The following PARD6G variants were observed in gnomAD, a reference collection of about 807,000 sequenced individuals.
PARD6G encodes the protein par-6 family cell polarity regulator gamma.
Under a neutral mutation model 10.7 loss-of-function variants are expected in PARD6G, and 7 were observed. That is an observed-to-expected ratio of 0.66 (90% CI 0.37 to 1.23). PARD6G has a LOEUF of 1.23. Ranked by LOEUF, PARD6G falls within the 50% of genes most tolerant of loss-of-function variation. The probability of loss-of-function intolerance (pLI) is 0.02; values close to 1 mark genes in which losing one functional copy is unlikely to be tolerated. For synonymous variants in PARD6G, 287 were observed against 269.4 expected (o/e 1.07, Z -0.64); for missense variants, 548 against 571.8 (o/e 0.96, Z 0.42).
intron 2 of PARD6G, among the ~76,000 whole-genome samples, chr18:80,163,584 C>T (rs960353321): frequency 3.9e-5 from 6 of 152,222 alleles, no homozygotes; most frequent in Admixed American, 6.5e-5. Flanking sequence ...AACCTGTCTG[C>T]GTCACAAGGG....
chr18:80,171,379 C>T (rs1216488601), intron 2 of PARD6G: 1 of 152,280 alleles, frequency 6.6e-6, no homozygotes, highest in Non-Finnish European at 1.5e-5. Context: ...CCCCATCCCT[C>T]CCCGAATTCA....
At chr18:80,238,618 T>C (rs1405102017) in intron 1 of PARD6G, among the ~76,000 whole-genome samples, 1 of 152,062 alleles carries the variant, frequency 6.6e-6, no homozygotes, top group Admixed American at 6.5e-5. Flanking sequence ...GAAAAGGGCA[T>C]GAAGGAACCT....
chr18:80,190,826 T>A (rs776027121), intron 2 of PARD6G, among the ~76,000 whole-genome samples: 6 of 152,060 alleles, frequency 3.9e-5, no homozygotes, highest in Non-Finnish European at 8.8e-5. Flanking sequence ...CTCCAGGCAA[T>A]CAACAAAATC....
At chr18:80,196,703 T>C (rs573693229) in intron 2 of PARD6G, among the ~76,000 whole-genome samples, 1 of 152,012 alleles carries the variant, frequency 6.6e-6, no homozygotes, top group Non-Finnish European at 1.5e-5. Flanking sequence ...CTCGGCTTCA[T>C]GTGGGCGCCC....
In PARD6G at chr18:80,231,797, G is replaced by A. The variant is rs552108446; in HGVS notation, c.72+15480C>T. The stretch of plus-strand genomic sequence containing the variant: ...CTCCCCCAGGCCTAGAGACGGGTTC[G>A]GCATCTCACAGGCATCCACAGGGAT... On this transcript the variant is annotated intron_variant, in intron 1 of 2. Coordinates refer to ENST00000353265, the MANE Select transcript of PARD6G (RefSeq NM_032510.4). The surrounding 1 kb of genome is among the most constrained non-coding windows in gnomAD (Gnocchi z 4.2). Among the ~76,000 whole-genome samples the A allele has an allele frequency of 9.2e-5, 14 of 152,124 alleles. No individual in the cohort carries two copies. In the East Asian group the frequency reaches 1.7e-3, roughly 19 times the overall value.
intron 1 of PARD6G, among the ~76,000 whole-genome samples, chr18:80,220,939 CT>C (rs1967221253): frequency 6.6e-6 from 1 of 152,118 alleles, no homozygotes; most frequent in Non-Finnish European, 1.5e-5. Flanking sequence ...CTATGAGTAA[CT>C]GTATGCCAAC....
At chr18:80,170,108 A>T (rs1256086213) in intron 2 of PARD6G, 1 of 152,252 alleles carries the variant, frequency 6.6e-6, no homozygotes, top group Non-Finnish European at 1.5e-5. Flanking sequence ...GTAGACACAT[A>T]CAAAAATACC....
In PARD6G at chr18:80,159,620, T is replaced by C; in HGVS notation, c.*151A>G. The C allele has an allele frequency of 8.4e-7, 1 of 1,188,406 alleles. No individual in the cohort carries two copies. The highest frequency in any genetic ancestry group is 1.1e-6 in the Non-Finnish European group (1 of 926,804). 73.6% of individuals were successfully genotyped at this position (1,188,406 alleles called of 1,614,324 possible). A position where few individuals can be genotyped will look rare whatever the true frequency, so the allele number is the denominator to read the frequency against. ...GGCGAAATTCTATAAAAATAGGCAA[T>C]ACTTGTGTTTTTATATCCGGAAGTT... On this transcript the variant is annotated 3_prime_UTR_variant, in exon 3 of 3. Transcript: ENST00000353265.
Position 80,195,577 on chromosome 18 carries a change from ACATTTTTTTTTC to A in PARD6G, c.295+7121_295+7132del, listed in dbSNP as rs574952397. On this transcript the variant is annotated intron_variant, in intron 2 of 2. Transcript: ENST00000353265. Reference sequence around the variant, plus strand: ...TATATATATATATATATATATACACACATTTTTTTTTCTTTTTTTTTCTGACCAGGTGCGATG... The same window carrying A: ...TATATATATATATATATATATACACATTTTTTTTTCTGACCAGGTGCGATG... Among the ~76,000 whole-genome samples the A allele has an allele frequency of 2.4e-3, 329 of 134,894 alleles. 4 individuals are homozygous for A. The highest frequency in any genetic ancestry group is 9.4e-3 in the African/African-American group (321 of 34,320). 88.5% of individuals were successfully genotyped at this position (134,894 alleles called of 152,430 possible).
In PARD6G at chr18:80,184,403, C is replaced by A. The variant is rs762859600; in HGVS notation, c.295+18307G>T. 6 of 152,282 alleles carry A rather than the reference C, an allele frequency of 3.9e-5. No individual in the cohort carries two copies. The highest frequency in any genetic ancestry group is 1.3e-4 in the Admixed American group (2 of 15,278). The allele number at this position is 152,282 out of a possible 1,614,324, so 9.4% of individuals were successfully genotyped here. ...CCCCGATGTCCATCAACTGATGAAC[C>A]AACCGATGAACACAGGGTGACCTGT... On this transcript the variant is annotated intron_variant, in intron 2 of 2. Transcript: ENST00000353265. This position sits in a 1 kb window ranked among gnomAD's most constrained non-coding sequence, Gnocchi z 4.5.
chr18:80,215,364 A>G (rs1967153087), intron 1 of PARD6G, among the ~76,000 whole-genome samples: 1 of 152,192 alleles, frequency 6.6e-6, no homozygotes, highest in East Asian at 1.9e-4. Context: ...ATGATAGTAT[A>G]AATGTATTTT....
chr18:80,229,681 G>A (rs1295284988), intron 1 of PARD6G, among the ~76,000 whole-genome samples: 1 of 152,234 alleles, frequency 6.6e-6, no homozygotes, highest in Non-Finnish European at 1.5e-5. Flanking sequence ...AAGTTAGACA[G>A]TAATCCACAC....
At chr18:80,224,965 T>C (rs1462171605) in intron 1 of PARD6G, among the ~76,000 whole-genome samples, 1 of 152,196 alleles carries the variant, frequency 6.6e-6, no homozygotes, top group African/African-American at 2.4e-5. Flanking sequence ...CCTCATTTCC[T>C]GACTCTGGCC....
intron 1 of PARD6G, among the ~76,000 whole-genome samples, chr18:80,219,504 C>T (rs1967207545): frequency 6.6e-6 from 1 of 151,748 alleles, no homozygotes; most frequent in Non-Finnish European, 1.5e-5. Context: ...GCCACTGCGC[C>T]CAGCCGGGGT....
rs1380842504 is a variant in PARD6G, at chr18:80,160,053, G to T, written c.849C>A (p.Arg283=). The change falls in exon 3 of 3, where the codon CGC becomes CGA. Residue 283 remains arginine (R), a synonymous_variant. Transcript: ENST00000353265. ...CGTCGGGGTGGAAGTTCTGCAGGAC[G>T]CGCGGGGCGGGGGGACCCACGAAGC... The part of the protein sequence containing the change: ...TAGFVGPPAP[R]VLQNFHPDEA... 1.3e-6 allele frequency: 2 copies of T among 1,548,414 alleles called. No homozygotes were observed. Among genetic ancestry groups the T allele is most frequent in the Middle Eastern group, 1.7e-4 (1 of 5,814 alleles).
chr18:80,222,078 A>AT (rs1043588324), intron 1 of PARD6G, among the ~76,000 whole-genome samples: 93 of 152,050 alleles, frequency 6.1e-4, no homozygotes, highest in Non-Finnish European at 1.2e-3. Flanking sequence ...AGAAAACTTA[A>AT]TTTTTTTCTT....
chr18:80,199,666 G>C (rs574922521), intron 2 of PARD6G, among the ~76,000 whole-genome samples: 3 of 152,078 alleles, frequency 2.0e-5, no homozygotes, highest in South Asian at 2.1e-4. Flanking sequence ...TTTCTGAGAC[G>C]GAGTTTCGCT....
At chr18:80,212,319 C>T (rs1036745639) in intron 1 of PARD6G, among the ~76,000 whole-genome samples, 1 of 152,060 alleles carries the variant, frequency 6.6e-6, no homozygotes, top group Non-Finnish European at 1.5e-5. Flanking sequence ...TAACCATGAA[C>T]TGGAATAAAC....
intron 2 of PARD6G, among the ~76,000 whole-genome samples, chr18:80,179,185 G>A (rs1410779247): frequency 6.6e-6 from 1 of 151,338 alleles, no homozygotes; most frequent in Non-Finnish European, 1.5e-5. Flanking sequence ...GTGGCCCACA[G>A]CACCTTCACA....
Sources: allele counts gnomAD v4.1 joint callset (sites outside exome capture counted in the v4.1 genomes callset), GRCh38; gene constraint gnomAD v4.1.1; non-coding constraint Gnocchi (gnomAD v3.1); transcripts MANE v1.5; gene names NCBI Gene and HGNC (gene_info 2026-07-23, HGNC 2026-07-21).